The following CELF2 variants were observed in gnomAD, a reference collection of about 807,000 sequenced individuals.
CELF2 encodes the protein CUGBP Elav-like family member 2.
Under a neutral mutation model 62.6 loss-of-function variants are expected in CELF2, and 8 were observed. That is an observed-to-expected ratio of 0.13 (90% CI 0.07 to 0.23). The LOEUF (loss-of-function observed/expected upper bound fraction) is 0.23, where lower values mean the gene tolerates loss of function less well. CELF2 is among the 10% of genes least tolerant of loss of function. CELF2 has a pLI of 1.00. For synonymous variants in CELF2, 258 were observed against 250.0 expected, an observed-to-expected ratio of 1.03 and a Z score of -0.30; for missense variants, 333 against 671.0, an observed-to-expected ratio of 0.50 and a Z score of 5.56.
chr10:10,554,197 G>A, the CELF2 span, among the ~76,000 whole-genome samples: 1 of 152,108 alleles, frequency 6.6e-6, no homozygotes, highest in African/African-American at 2.4e-5. Flanking sequence ...CAACAAAGGA[G>A]AGGGAATTCA....
intron 2 of CELF2, among the ~76,000 whole-genome samples, chr10:10,974,084 G>A (rs1221267646): frequency 6.6e-6 from 1 of 152,174 alleles, no homozygotes; most frequent in Non-Finnish European, 1.5e-5. Context: ...TTTAGTTAGG[G>A]TGACTTTGGA....
At position 11,242,166 on chromosome 10, in the gene CELF2, C is replaced by A. The variant is rs375906346; in HGVS notation, c.355-6987C>A. On this transcript the variant is annotated intron_variant, in intron 3 of 12. Transcript: ENST00000633077. The surrounding 1 kb of genome is among the most constrained non-coding windows in gnomAD (Gnocchi z 4.8). ...TATGTGCTAGCACGGCTGCTCTCTC[C>A]AGGGGTCAGGATGGGTTTAATAATG... Among the ~76,000 whole-genome samples, 7 of 152,116 alleles carry A rather than the reference C, an allele frequency of 4.6e-5. No homozygotes were observed. Among genetic ancestry groups the A allele is most frequent in the African/African-American group, 1.7e-4 (7 of 41,404 alleles).
chr10:10,909,335 T>C (rs1324551142), intron 1 of CELF2, among the ~76,000 whole-genome samples: 2 of 152,168 alleles, frequency 1.3e-5, no homozygotes, highest in Non-Finnish European at 2.9e-5. Context: ...ACCTTCATAG[T>C]ACCTGGTAGG....
At chr10:10,547,572 C>T in the CELF2 span, among the ~76,000 whole-genome samples, 2 of 152,122 alleles carry the variant, frequency 1.3e-5, no homozygotes, top group African/African-American at 4.8e-5. Flanking sequence ...CCAGGTGTCA[C>T]CTACCCTCAT....
intron 1 of CELF2, among the ~76,000 whole-genome samples, chr10:10,800,719 A>G (rs577172646): frequency 6.6e-6 from 1 of 152,322 alleles, no homozygotes; most frequent in African/African-American, 2.4e-5. Flanking sequence ...TTCTTGATGA[A>G]AGCTACATTT....
At chr10:10,546,928 G>T in the CELF2 span, among the ~76,000 whole-genome samples, 2 of 152,032 alleles carry the variant, frequency 1.3e-5, no homozygotes, top group African/African-American at 2.4e-5. Flanking sequence ...GCAACATGGC[G>T]AAACCCCATC....
the CELF2 span, among the ~76,000 whole-genome samples, chr10:10,720,059 A>T: frequency 6.6e-6 from 1 of 152,142 alleles, no homozygotes; most frequent in Non-Finnish European, 1.5e-5. Context: ...TTGTGGATCC[A>T]CTTGGGCTGC....
chr10:11,283,443 T>G (rs2089714531), intron 8 of CELF2, among the ~76,000 whole-genome samples: 1 of 152,152 alleles, frequency 6.6e-6, no homozygotes, highest in Non-Finnish European at 1.5e-5. Context: ...ACTGGATGGT[T>G]GGATGGATGG....
chr10:10,608,237 A>G, the CELF2 span, among the ~76,000 whole-genome samples: 1 of 152,232 alleles, frequency 6.6e-6, no homozygotes, highest in Admixed American at 6.5e-5. Flanking sequence ...CAATGGAATT[A>G]CCCAGAAGAT....
At chr10:11,077,819 G>A (rs778683586) in intron 1 of CELF2, among the ~76,000 whole-genome samples, 6 of 152,156 alleles carry the variant, frequency 3.9e-5, no homozygotes. Flanking sequence ...ATGGACTCTA[G>A]TCCCACAGCT....
At chr10:10,921,857 G>A (rs1050229683) in intron 2 of CELF2, among the ~76,000 whole-genome samples, 4 of 152,304 alleles carry the variant, frequency 2.6e-5, no homozygotes, top group Non-Finnish European at 4.4e-5. Context: ...CGCCTGGCTC[G>A]TGCCTTAGTT....
chr10:10,856,569 C>A (rs2059723067), intron 1 of CELF2, among the ~76,000 whole-genome samples: 1 of 152,144 alleles, frequency 6.6e-6, no homozygotes, highest in Admixed American at 6.5e-5. Flanking sequence ...AAATAATCTT[C>A]TCATTGCATA....
intron 1 of CELF2, among the ~76,000 whole-genome samples, chr10:11,154,995 G>A (rs1286741411): frequency 2.0e-5 from 3 of 152,118 alleles, no homozygotes; most frequent in Non-Finnish European, 2.9e-5. Flanking sequence ...CAAATTAGAT[G>A]GTACACAAAT....
chr10:11,120,336 C>A (rs779623111), intron 1 of CELF2, among the ~76,000 whole-genome samples: 3 of 152,150 alleles, frequency 2.0e-5, no homozygotes, highest in Non-Finnish European at 4.4e-5. Flanking sequence ...ATTCCCTGTG[C>A]TCCTTCCCCC....
chr10:11,215,896 A>G (rs746531333), intron 2 of CELF2, among the ~76,000 whole-genome samples: 2 of 152,210 alleles, frequency 1.3e-5, no homozygotes, highest in Non-Finnish European at 2.9e-5. Flanking sequence ...ACATCACGCC[A>G]CTGAAGCTGA....
chr10:11,195,889 G>A lies in CELF2; in HGVS notation c.272-21536G>A, dbSNP rs79329983. On this transcript the variant is annotated intron_variant, in intron 2 of 12. Transcript: ENST00000633077. ...ACAAATAGCCTTATTATTAACCTAA[G>A]TTGGAAACATGGCTTTTTGAGTGTC... Among the ~76,000 whole-genome samples the A allele has an allele frequency of 5.3e-3, 807 of 152,342 alleles. 7 individuals are homozygous for A. Among genetic ancestry groups the A allele is most frequent in the African/African-American group, 0.018 (765 of 41,568 alleles).
chr10:10,478,314 C>A, the CELF2 span, among the ~76,000 whole-genome samples: 5 of 152,152 alleles, frequency 3.3e-5, no homozygotes, highest in African/African-American at 7.2e-5. Context: ...AAGCTCACAA[C>A]CCCAGTTAGG....
chr10:10,941,045 G>T (rs1179927479), intron 2 of CELF2, among the ~76,000 whole-genome samples: 1 of 152,112 alleles, frequency 6.6e-6, no homozygotes, highest in Non-Finnish European at 1.5e-5. Context: ...GAGTGATGTT[G>T]TTCTAGCGAA....
the CELF2 span, among the ~76,000 whole-genome samples, chr10:10,587,294 T>C: frequency 6.6e-6 from 1 of 152,190 alleles, no homozygotes; most frequent in East Asian, 1.9e-4. Context: ...ATAATCCACT[T>C]GCTCCATTGA....
Sources: allele counts gnomAD v4.1 joint callset (sites outside exome capture counted in the v4.1 genomes callset), GRCh38; gene constraint gnomAD v4.1.1; non-coding constraint Gnocchi (gnomAD v3.1); transcripts MANE v1.5; gene names NCBI Gene and HGNC (gene_info 2026-07-23, HGNC 2026-07-21).